Variants in TMEM132D observed in about 807,000 individuals in gnomAD.
The protein encoded by TMEM132D is transmembrane protein 132D, also known as mature OL transmembrane protein.
In TMEM132D, 21 loss-of-function variants were observed where a neutral mutation model predicts 62.3. That is an observed-to-expected ratio of 0.34 (90% CI 0.24 to 0.49). TMEM132D has a LOEUF of 0.49. TMEM132D is among the 20% of genes least tolerant of loss of function. The pLI, the probability that TMEM132D is intolerant of heterozygous loss-of-function variation, is 0.99. For synonymous variants in TMEM132D, 621 were observed against 575.6 expected (o/e 1.08, Z -1.13); for missense variants, 1,346 against 1,402.8 (o/e 0.96, Z 0.65).
intron 4 of TMEM132D, among the ~76,000 whole-genome samples, chr12:129,335,631 C>T (rs1172769799): frequency 2.6e-5 from 4 of 152,082 alleles, no homozygotes; most frequent in Non-Finnish European, 2.9e-5. Context: ...AAATGGAAAA[C>T]AGGTACTAAG....
intron 2 of TMEM132D, among the ~76,000 whole-genome samples, chr12:129,587,435 T>G (rs1168025260): frequency 6.6e-6 from 1 of 152,202 alleles, no homozygotes; most frequent in South Asian, 2.1e-4. Flanking sequence ...AAATAACTAA[T>G]GGGTACTAGG....
At chr12:129,243,479 G>C (rs755608430) in intron 4 of TMEM132D, among the ~76,000 whole-genome samples, 63 of 152,168 alleles carry the variant, frequency 4.1e-4, no homozygotes, top group Non-Finnish European at 6.8e-4. Flanking sequence ...TAGAAGCTCT[G>C]GGGGTGCAGA....
At chr12:129,563,410 G>A (rs967295419) in intron 2 of TMEM132D, among the ~76,000 whole-genome samples, 1 of 152,186 alleles carries the variant, frequency 6.6e-6, no homozygotes. Flanking sequence ...TGAGGATATA[G>A]ATGGATATCT....
At chr12:129,171,344 C>T (rs111585999) in intron 5 of TMEM132D, among the ~76,000 whole-genome samples, 103 of 152,332 alleles carry the variant, frequency 6.8e-4, no homozygotes, top group African/African-American at 2.4e-3. Flanking sequence ...CACACCTGCA[C>T]TGACTTCCTG....
intron 1 of TMEM132D, among the ~76,000 whole-genome samples, chr12:129,738,287 T>C (rs1869490397): frequency 6.7e-6 from 1 of 149,026 alleles, no homozygotes; most frequent in Non-Finnish European, 1.5e-5. Context: ...TTCCTCCAAA[T>C]ACATAGAGTG....
At chr12:129,319,488 T>C in intron 4 of TMEM132D, among the ~76,000 whole-genome samples, 1 of 152,208 alleles carries the variant, frequency 6.6e-6, no homozygotes, top group East Asian at 1.9e-4. Flanking sequence ...GTCCGCTTCC[T>C]TCAGAGGGTC....
chr12:129,474,891 T>C (rs140948460), intron 3 of TMEM132D, among the ~76,000 whole-genome samples: 158 of 152,258 alleles, frequency 1.0e-3, no homozygotes, highest in African/African-American at 3.6e-3. Flanking sequence ...AGAAAAAAAG[T>C]GAGTCCTGGA....
At chr12:129,093,815 T>TG (rs1275629956) in intron 5 of TMEM132D, among the ~76,000 whole-genome samples, 6 of 152,152 alleles carry the variant, frequency 3.9e-5, no homozygotes, top group Admixed American at 6.5e-5. Context: ...CAAAACAGCA[T>TG]GTACTGGTAC....
chr12:129,839,347 C>T (rs973609346), intron 1 of TMEM132D, among the ~76,000 whole-genome samples: 1 of 151,330 alleles, frequency 6.6e-6, no homozygotes, highest in Non-Finnish European at 1.5e-5. Flanking sequence ...AAGCTGGTCT[C>T]GAACTCCTGA....
chr12:129,701,751 C>A (rs539774762), intron 1 of TMEM132D, among the ~76,000 whole-genome samples: 1 of 152,180 alleles, frequency 6.6e-6, no homozygotes, highest in Non-Finnish European at 1.5e-5. Flanking sequence ...ACTTTCTAGG[C>A]AAAGCTCCAC....
At chr12:129,143,346 G>C (rs966497435) in intron 5 of TMEM132D, among the ~76,000 whole-genome samples, 5 of 152,184 alleles carry the variant, frequency 3.3e-5, no homozygotes, top group African/African-American at 1.2e-4. Flanking sequence ...GCATGGGGGA[G>C]GGGGCATGGA....
intron 4 of TMEM132D, among the ~76,000 whole-genome samples, chr12:129,282,292 C>G (rs879706564): frequency 2.0e-5 from 3 of 152,130 alleles, no homozygotes; most frequent in Non-Finnish European, 4.4e-5. Context: ...TTATCCCTCC[C>G]CCTAGTTCCA....
chr12:129,620,925 C>T (rs1438456270), intron 2 of TMEM132D, among the ~76,000 whole-genome samples: 3 of 152,182 alleles, frequency 2.0e-5, no homozygotes, highest in Non-Finnish European at 4.4e-5. Flanking sequence ...CACCGTGGCA[C>T]ACGTTTACCT....
At chr12:129,774,530 G>A (rs1383492081) in intron 1 of TMEM132D, among the ~76,000 whole-genome samples, 4 of 152,156 alleles carry the variant, frequency 2.6e-5, no homozygotes, top group Non-Finnish European at 5.9e-5. Context: ...TTGTGGGATG[G>A]GGCAGTAAAT....
chr12:129,694,670 A>G (rs1316257600), intron 2 of TMEM132D, among the ~76,000 whole-genome samples: 1 of 152,164 alleles, frequency 6.6e-6, no homozygotes, highest in Admixed American at 6.5e-5. Flanking sequence ...CTGTTTCAGC[A>G]CCTCACTTCC....
chr12:129,723,902 T>G (rs979820842), intron 1 of TMEM132D, among the ~76,000 whole-genome samples: 1 of 152,208 alleles, frequency 6.6e-6, no homozygotes, highest in Non-Finnish European at 1.5e-5. Flanking sequence ...ACGCCTGCCC[T>G]CCACTACCAA....
At chr12:129,078,887 T>C (rs1479072673) in intron 7 of TMEM132D, among the ~76,000 whole-genome samples, 162 bp from the exon 8 acceptor site, 1 of 152,316 alleles carries the variant, frequency 6.6e-6, no homozygotes, top group East Asian at 1.9e-4. Context: ...CTGAATCATA[T>C]GTATTGCTTG....
chr12:129,170,685 T>C (rs1201640215), intron 5 of TMEM132D, among the ~76,000 whole-genome samples: 3 of 151,586 alleles, frequency 2.0e-5, no homozygotes, highest in African/African-American at 4.9e-5. Flanking sequence ...ATAAGCTGAG[T>C]GTTGTGGCGC....
At chr12:129,691,204 G>A (rs1253751856) in intron 2 of TMEM132D, among the ~76,000 whole-genome samples, 1 of 151,778 alleles carries the variant, frequency 6.6e-6, no homozygotes, top group Non-Finnish European at 1.5e-5. Flanking sequence ...AATATTTATA[G>A]CATTAAAAAC....
Sources: allele counts gnomAD v4.1 joint callset (sites outside exome capture counted in the v4.1 genomes callset), GRCh38; gene constraint gnomAD v4.1.1; transcripts MANE v1.5; gene names NCBI Gene and HGNC (gene_info 2026-07-23, HGNC 2026-07-21).